Variants in UNC79 observed in about 807,000 individuals in gnomAD.
The protein encoded by UNC79 is protein unc-79 homolog.
In UNC79, 37 loss-of-function variants were observed where a neutral mutation model predicts 283.1. The ratio of observed to expected loss-of-function variants is 0.13; its 90% CI spans 0.10 to 0.17. The LOEUF is 0.17. Among genes scored for constraint, UNC79 ranks in the 10% least tolerant of loss-of-function variants. UNC79 has a pLI of 1.00. For synonymous variants in UNC79, 1,107 were observed against 1,200.2 expected (o/e 0.92, Z 1.61); for missense variants, 2,272 against 3,211.1 (o/e 0.71, Z 7.07).
intron 40 of UNC79, among the ~76,000 whole-genome samples, chr14:93,669,826 A>C (rs1448175002): frequency 6.6e-6 from 1 of 152,166 alleles, no homozygotes; most frequent in Non-Finnish European, 1.5e-5. Flanking sequence ...CTAAACAAAC[A>C]GAAAGCTCTT....
chr14:93,612,119 G>A (rs2066355256), intron 26 of UNC79, among the ~76,000 whole-genome samples: 2 of 152,148 alleles, frequency 1.3e-5, no homozygotes, highest in South Asian at 4.1e-4. Flanking sequence ...TTCATGTGGT[G>A]TTTTTCTGTT....
At position 93,556,354 on chromosome 14, in the gene UNC79, A is replaced by G. The variant is rs79387993; in HGVS notation, c.1755+13658A>G. ...ACTGCTATTGGACATTTAAAAAAAT[A>G]TGCCTCTTATTTAGCTATTGCACAT... On this transcript the variant is annotated intron_variant, in intron 14 of 48. Coordinates refer to ENST00000555664, the Ensembl canonical transcript of UNC79. 2.0e-4 allele frequency among the ~76,000 whole-genome samples: 30 copies of G among 152,340 alleles called. No individual in the cohort carries two copies. In the East Asian group the frequency reaches 5.6e-3, roughly 28 times the overall value.
At chr14:93,620,842 AAG>A (rs2067081907) in intron 29 of UNC79, 48 bp from the exon 31 acceptor site, 6 of 484,736 alleles carry the variant, frequency 1.2e-5, no homozygotes, top group South Asian at 9.1e-5. Context: ...GACACAGCCT[AAG>A]AGAGAATAAC....
rs141243157 is a variant in UNC79 at position 93,469,399 on chromosome 14, AT to A, written c.143+1616del. Reference sequence around the variant, plus strand: ...AATGGTAATAGTAACAATTGCAACCATTTTTTTTAAAACTAGAAGTACAGAA... The same window carrying A: ...AATGGTAATAGTAACAATTGCAACCATTTTTTTAAAACTAGAAGTACAGAA... On this transcript the variant is annotated intron_variant, in intron 2 of 48. Transcript: ENST00000555664. 8.6e-4 allele frequency among the ~76,000 whole-genome samples: 131 copies of A among 152,106 alleles called. 1 individual carries two copies. Among genetic ancestry groups the A allele is most frequent in the African/African-American group, 3.1e-3 (129 of 41,484 alleles).
intron 38 of UNC79, among the ~76,000 whole-genome samples, chr14:93,656,787 A>G (rs532704278): frequency 2.6e-5 from 4 of 152,336 alleles, no homozygotes; most frequent in African/African-American, 7.2e-5. Flanking sequence ...GTAATGAGCC[A>G]TATTTGTGCC....
chr14:93,566,909 G>T (rs1386779332), intron 14 of UNC79, among the ~76,000 whole-genome samples: 1 of 152,046 alleles, frequency 6.6e-6, no homozygotes, highest in Non-Finnish European at 1.5e-5. Context: ...GAGCCACCAC[G>T]CTCGGCCTGG....
At chr14:93,404,915 AT>A (rs2055196057) in intron 1 of UNC79, among the ~76,000 whole-genome samples, 1 of 152,108 alleles carries the variant, frequency 6.6e-6, no homozygotes. Context: ...TTATATAGAT[AT>A]GTATTGGAAA....
At position 93,498,074 on chromosome 14, in the gene UNC79, C is replaced by T. The variant is rs932820685; in HGVS notation, c.898+788C>T. ...CTTTGGGAGGCTGAGATGGGCGGTT[C>T]GCCTGAGGTCCAGAGTTTGAGACCA... is the stretch of plus-strand genomic sequence containing the variant. On this transcript the variant is annotated intron_variant, in intron 7 of 48. Coordinates refer to ENST00000555664, the Ensembl canonical transcript of UNC79. Among the ~76,000 whole-genome samples the T allele has an allele frequency of 1.8e-4, 28 of 151,896 alleles. No individual in the cohort carries two copies. The South Asian group carries it at 1.9e-3, about 10-fold the overall frequency.
At chr14:93,660,741 C>T (rs980205083) in intron 39 of UNC79, among the ~76,000 whole-genome samples, 2 of 151,452 alleles carry the variant, frequency 1.3e-5, no homozygotes, top group Non-Finnish European at 2.9e-5. Context: ...CAGGCATGCA[C>T]CATACACCTG....
chr14:93,547,756 C>T (rs1172249191), intron 14 of UNC79, among the ~76,000 whole-genome samples: 2 of 151,910 alleles, frequency 1.3e-5, no homozygotes, highest in African/African-American at 2.4e-5. Context: ...TTTGGGAGAC[C>T]GAGGTTGGAG....
At chr14:93,623,752 G>A (rs2067320243) in intron 30 of UNC79, among the ~76,000 whole-genome samples, 1 of 152,170 alleles carries the variant, frequency 6.6e-6, no homozygotes, top group African/African-American at 2.4e-5. Context: ...AATTAGTTGG[G>A]CGTGGTGGCG....
chr14:93,504,324 T>C (rs1451062364), intron 7 of UNC79, among the ~76,000 whole-genome samples: 1 of 151,974 alleles, frequency 6.6e-6, no homozygotes, highest in Non-Finnish European at 1.5e-5. Flanking sequence ...AGCTGTTTGC[T>C]AAGTTAAAAA....
intron 35 of UNC79, among the ~76,000 whole-genome samples, chr14:93,648,476 A>G (rs2069876712): frequency 1.3e-5 from 2 of 152,240 alleles, no homozygotes; most frequent in South Asian, 4.2e-4. Flanking sequence ...AAATATTTTG[A>G]AGTAGAGCCA....
At chr14:93,706,673 T>G (rs981472964) in intron 48 of UNC79, 31 bp from the exon 52 acceptor site, 9 of 1,611,884 alleles carry the variant, frequency 5.6e-6, no homozygotes, top group South Asian at 1.1e-5. Context: ...TGAAAAGAAA[T>G]AAACTAAAAC....
At chr14:93,435,550 C>T (rs941131563) in intron 1 of UNC79, among the ~76,000 whole-genome samples, 7 of 152,182 alleles carry the variant, frequency 4.6e-5, no homozygotes, top group Non-Finnish European at 4.4e-5. Context: ...AGTCCACAAA[C>T]GTTTTTGGAA....
intron 40 of UNC79, among the ~76,000 whole-genome samples, chr14:93,671,464 A>G (rs1405591422): frequency 6.6e-6 from 1 of 152,060 alleles, no homozygotes; most frequent in Non-Finnish European, 1.5e-5. Context: ...AGGAACTCAA[A>G]CTCAACAGTA....
rs2140213861 is a variant in UNC79, at chr14:93,460,668, G to A, written c.23-7003G>A. Among the ~76,000 whole-genome samples the A allele has an allele frequency of 1.3e-5, 2 of 152,088 alleles. 1 individual carries two copies. Among genetic ancestry groups the A allele is most frequent in the South Asian group, 4.2e-4 (2 of 4,800 alleles). ...TTCTTACCGAGAGCTTTAAAAATGA[G>A]TGTTTTCTGTATGACTCAGCAATCC... On this transcript the variant is annotated intron_variant, in intron 1 of 48. Coordinates refer to ENST00000555664, the Ensembl canonical transcript of UNC79.
At chr14:93,653,340 T>TATATATATA in intron 35 of UNC79, among the ~76,000 whole-genome samples, 1 of 150,712 alleles carries the variant, frequency 6.6e-6, no homozygotes. Context: ...TATATATATA[T>TATATATATA]GAATTTTTTT....
At chr14:93,616,403 T>C (rs1301585606) in intron 27 of UNC79, among the ~76,000 whole-genome samples, 2 of 145,656 alleles carry the variant, frequency 1.4e-5, no homozygotes, top group Non-Finnish European at 3.0e-5. Flanking sequence ...GGTCTCACTC[T>C]GGTAGCCCAG....
Sources: allele counts gnomAD v4.1 joint callset (sites outside exome capture counted in the v4.1 genomes callset), GRCh38; gene constraint gnomAD v4.1.1; transcripts MANE v1.5; gene names NCBI Gene and HGNC (gene_info 2026-07-23, HGNC 2026-07-21).